Variants in TPH2 observed in about 807,000 individuals in gnomAD.
TPH2 encodes tryptophan 5-hydroxylase 2.
In TPH2, 27 loss-of-function variants were observed where a neutral mutation model predicts 59.1. The observed-to-expected ratio is 0.46, with a 90% CI of 0.34 to 0.63. TPH2 has a LOEUF of 0.63. Ranked by LOEUF, TPH2 falls within the 30% of genes least tolerant of loss-of-function variation. The pLI is 0.01. For missense variants in TPH2, 523 were observed against 588.3 expected, an observed-to-expected ratio of 0.89 and a Z score of 1.15; for synonymous variants, 220 against 210.5, an observed-to-expected ratio of 1.05 and a Z score of -0.39.
chr12:71,974,059 T>C (rs1872048569), intron 6 of TPH2, among the ~76,000 whole-genome samples: 1 of 152,008 alleles, frequency 6.6e-6, no homozygotes, highest in Non-Finnish European at 1.5e-5. Context: ...TGCCCTTTTC[T>C]CTCTCTTCTT....
intron 9 of TPH2, among the ~76,000 whole-genome samples, chr12:72,026,239 G>T (rs531822616): frequency 5.7e-4 from 86 of 151,416 alleles, no homozygotes; most frequent in Non-Finnish European, 1.1e-3. Flanking sequence ...CATAGTAGTT[G>T]CTGACATATT....
intron 7 of TPH2, among the ~76,000 whole-genome samples, chr12:71,989,140 T>C (rs1205784939): frequency 3.4e-5 from 5 of 148,336 alleles, no homozygotes; most frequent in Non-Finnish European, 1.5e-5. Flanking sequence ...TTTGTAGCTA[T>C]ACTGTGATAG....
intron 8 of TPH2, among the ~76,000 whole-genome samples, chr12:72,005,800 T>G (rs1872941104): frequency 1.3e-5 from 2 of 152,194 alleles, no homozygotes; most frequent in South Asian, 4.1e-4. Flanking sequence ...CATACCACTT[T>G]TTAATTAAAG....
At chr12:71,991,693 A>C (rs545413223) in intron 7 of TPH2, among the ~76,000 whole-genome samples, 4 of 152,178 alleles carry the variant, frequency 2.6e-5, no homozygotes, top group Non-Finnish European at 5.9e-5. Context: ...GAATGAGTCC[A>C]TAGGGTCCAC....
rs185148150 is a variant in TPH2 at position 71,960,549 on chromosome 12, A to G, written c.608+10894A>G. On this transcript the variant is annotated intron_variant, in intron 5 of 10. Transcript: ENST00000333850. ...AAAGGAAGGGAGCCTGAGAGTTGCA[A>G]AGAAAGACAAAAGGGAAAATTGATT... Among the ~76,000 whole-genome samples the G allele has an allele frequency of 1.1e-3, 168 of 152,334 alleles. No homozygotes were observed. The Middle Eastern group carries it at 0.014, about 12-fold the overall frequency.
chr12:71,991,417 T>A (rs1451278646), intron 7 of TPH2, among the ~76,000 whole-genome samples: 1 of 152,236 alleles, frequency 6.6e-6, no homozygotes. Flanking sequence ...ATAGTAAGCA[T>A]TCACTGTAAT....
chr12:71,949,563 T>C, intron 4 of TPH2, 25 bp from the exon 5 acceptor site: 1 of 1,603,388 alleles, frequency 6.2e-7, no homozygotes, highest in Non-Finnish European at 8.5e-7. Context: ...CTTTGTTAAA[T>C]AACTTAATCT....
Position 71,949,657 on chromosome 12 carries a change from T to A in TPH2, c.608+2T>A, listed in dbSNP as rs1353247339. 1 of 1,609,770 alleles carries A rather than the reference T, an allele frequency of 6.2e-7. No individual in the cohort carries two copies. Among genetic ancestry groups the A allele is most frequent in the Non-Finnish European group, 8.5e-7 (1 of 1,176,202 alleles). On this transcript the variant is annotated splice_donor_variant, in intron 5 of 10. Coordinates refer to ENST00000333850, the MANE Select transcript of TPH2 (RefSeq NM_173353.4). LOFTEE classifies it high-confidence loss of function. ...GGATGTGGCCATGGGTTATAAATAGTAAGTACCTGTATAACTCTTTCTTGT... is the reference window on the plus strand; with the variant it reads ...GGATGTGGCCATGGGTTATAAATAGAAAGTACCTGTATAACTCTTTCTTGT...
At chr12:71,989,100 T>TAAA (rs34334884) in intron 7 of TPH2, among the ~76,000 whole-genome samples, 5 of 116,238 alleles carry the variant, frequency 4.3e-5, no homozygotes, top group African/African-American at 3.2e-5. Flanking sequence ...CTGGCTTTAT[T>TAAA]AAAAAAAAAA....
chr12:71,995,938 T>C (rs1872682792), intron 8 of TPH2, among the ~76,000 whole-genome samples: 1 of 152,254 alleles, frequency 6.6e-6, no homozygotes, highest in Non-Finnish European at 1.5e-5. Context: ...GTATAAGGAT[T>C]GTGTCTCATT....
chr12:71,968,293 A>G lies in TPH2; in HGVS notation c.609-4226A>G, dbSNP rs145106279. ...CTGGGGCAGCCCTCAGAGCTTCTTC[A>G]TGACGGTGATGGGGACCACTGTGGT... is the stretch of plus-strand genomic sequence containing the variant. On this transcript the variant is annotated intron_variant, in intron 5 of 10. Coordinates refer to ENST00000333850, the MANE Select transcript of TPH2 (RefSeq NM_173353.4). 9.1e-4 allele frequency among the ~76,000 whole-genome samples: 138 copies of G among 152,324 alleles called. 2 individuals are homozygous for G. Among genetic ancestry groups the G allele is most frequent in the Non-Finnish European group, 7.4e-4 (50 of 68,026 alleles).
rs140690004 is a variant in TPH2, at chr12:71,939,075, T to C, written c.89T>C (p.Leu30Pro). Residue 30 changes from leucine (L) to proline (P), a missense_variant, in exon 1 of 11, where the codon CTA (leucine) becomes CCA (proline). Leu to Pro is a moderately conservative substitution (Grantham distance 98, BLOSUM62 -3). Coordinates refer to ENST00000333850, the MANE Select transcript of TPH2 (RefSeq NM_173353.4). ...LDSAVPEEHQ[L>P]LGSSTLNKPN... The stretch of plus-strand genomic sequence containing the variant: ...TCAGCAGTGCCCGAAGAGCATCAGC[T>C]ACTTGGCAGCTCAACAGTGAGTACT... 3.7e-6 allele frequency: 6 copies of C among 1,614,012 alleles called. No individual in the cohort carries two copies. The highest frequency in any genetic ancestry group is 5.1e-6 in the Non-Finnish European group (6 of 1,179,966).
rs1353496369 is a variant in TPH2, at chr12:71,972,523, C to T, written c.613C>T (p.Gln205Ter). The T allele has an allele frequency of 6.2e-7, 1 of 1,614,004 alleles. No individual in the cohort carries two copies. Among genetic ancestry groups the T allele is most frequent in the Admixed American group, 1.7e-5 (1 of 60,004 alleles). ...AGTTTCTTCTCTCCTGCCTAGTGGT[C>T]AGCCCATTCCCAGGGTGGAGTATAC... is the stretch of plus-strand genomic sequence containing the variant. ...VDVAMGYKYGQPIPRVEYTEE... is the reference protein window; with the variant it reads ...VDVAMGYKYG Residue 205 changes from glutamine (Q) to a stop codon, truncating the protein, a stop_gained, in exon 6 of 11, where the codon CAG (glutamine) becomes TAG (stop). Transcript: ENST00000333850. LOFTEE classifies it high-confidence loss of function.
At chr12:72,009,189 C>A (rs924638523) in intron 8 of TPH2, among the ~76,000 whole-genome samples, 2 of 152,090 alleles carry the variant, frequency 1.3e-5, no homozygotes, top group Non-Finnish European at 2.9e-5. Context: ...GGAAGTGGAA[C>A]TTCATCTTCA....
chr12:71,980,494 G>T (rs537592258), intron 7 of TPH2, among the ~76,000 whole-genome samples: 130 of 152,172 alleles, frequency 8.5e-4, no homozygotes, highest in Non-Finnish European at 1.4e-3. Flanking sequence ...TCCCTGTCAG[G>T]TCACTACATT....
intron 6 of TPH2, among the ~76,000 whole-genome samples, chr12:71,976,055 C>A (rs1314933435): frequency 2.0e-5 from 3 of 152,164 alleles, no homozygotes; most frequent in East Asian, 1.9e-4. Flanking sequence ...GGACCATAGA[C>A]CCTGGATGTA....
At chr12:72,010,453 T>C (rs1374119164) in intron 8 of TPH2, among the ~76,000 whole-genome samples, 1 of 152,160 alleles carries the variant, frequency 6.6e-6, no homozygotes, top group Non-Finnish European at 1.5e-5. Context: ...GTATGAGAGA[T>C]GATGATGCTA....
intron 7 of TPH2, among the ~76,000 whole-genome samples, chr12:71,992,246 CAGAA>C (rs921778310): frequency 3.3e-5 from 5 of 152,178 alleles, no homozygotes; most frequent in African/African-American, 1.2e-4. Context: ...CAACAGAGAG[CAGAA>C]AGAGTGTAGC....
intron 8 of TPH2, among the ~76,000 whole-genome samples, chr12:72,020,406 A>G (rs1194942156): frequency 1.3e-5 from 2 of 152,220 alleles, no homozygotes; most frequent in Non-Finnish European, 2.9e-5. Flanking sequence ...GTTTCATAGA[A>G]AGAATGAAAA....
Sources: allele counts gnomAD v4.1 joint callset (sites outside exome capture counted in the v4.1 genomes callset), GRCh38; gene constraint gnomAD v4.1.1; transcripts MANE v1.5; gene names NCBI Gene and HGNC (gene_info 2026-07-23, HGNC 2026-07-21).